Variants in TFB1M observed in about 807,000 individuals in gnomAD.
TFB1M encodes dimethyladenosine transferase 1, mitochondrial.
Under a neutral mutation model 31.1 loss-of-function variants are expected in TFB1M, and 27 were observed. The observed-to-expected ratio is 0.87, with a 90% CI of 0.64 to 1.20. TFB1M has a LOEUF of 1.20. TFB1M is among the 50% of genes most tolerant of loss of function. The pLI, the probability that TFB1M is intolerant of heterozygous loss-of-function variation, is 0.00. For missense variants in TFB1M, 394 were observed against 418.7 expected, an observed-to-expected ratio of 0.94 and a Z score of 0.51; for synonymous variants, 166 against 151.8, an observed-to-expected ratio of 1.09 and a Z score of -0.69.
At chr6:155,231,425 C>A in the TFB1M span, among the ~76,000 whole-genome samples, 2 of 152,208 alleles carry the variant, frequency 1.3e-5, no homozygotes, top group African/African-American at 4.8e-5. Flanking sequence ...TACAATTTCC[C>A]TGGAGTATTT....
chr6:155,240,621 C>G, the TFB1M span: 1 of 1,614,172 alleles, frequency 6.2e-7, no homozygotes, highest in Non-Finnish European at 8.5e-7. Flanking sequence ...GATCCTCCTC[C>G]GAGGTCTCTG....
At chr6:155,238,302 A>G in the TFB1M span, among the ~76,000 whole-genome samples, 1 of 152,214 alleles carries the variant, frequency 6.6e-6, no homozygotes, top group East Asian at 1.9e-4. Context: ...TTTCACTATC[A>G]GCATCTTTGT....
chr6:155,230,725 CACTGCATTTATTAT>C, the TFB1M span, among the ~76,000 whole-genome samples: 2 of 151,978 alleles, frequency 1.3e-5, no homozygotes, highest in Admixed American at 6.5e-5. Flanking sequence ...CAGTGTTAAC[CACTGCATTTATTAT>C]ACATGTAGTT....
At chr6:155,306,353 G>T (rs1176061674) in intron 2 of TFB1M, among the ~76,000 whole-genome samples, 1 of 152,094 alleles carries the variant, frequency 6.6e-6, no homozygotes, top group Admixed American at 6.5e-5. Context: ...ACAGGACCCG[G>T]ATATTCTACT....
chr6:155,260,122 C>G lies in TFB1M; in HGVS notation c.794+151G>C, dbSNP rs1452743313. On this transcript the variant is annotated intron_variant, in intron 6 of 6. Transcript: ENST00000367166. The stretch of plus-strand genomic sequence containing the variant: ...GAGGTCTAGCAAGTCTTTGCTCTCT[C>G]CTCATTGGCAGTGAAGTCTTGTCCG... 4.4e-6 allele frequency: 4 copies of G among 918,484 alleles called. No homozygotes were observed. The African/African-American group carries it at 6.6e-5, about 15-fold the overall frequency. The allele number at this position is 918,484 out of a possible 1,614,324, so 56.9% of individuals were successfully genotyped here.
chr6:155,254,453 A>AT, downstream of TFB1M: 3 of 1,614,042 alleles, frequency 1.9e-6, no homozygotes, highest in Non-Finnish European at 2.5e-6. Flanking sequence ...TGTTAAGGTG[A>AT]TTCGTTCTAT....
rs1444800765 is a variant in TFB1M, at chr6:155,311,334, T to A, written c.139A>T (p.Ile47Phe). The A allele has an allele frequency of 6.2e-7, 1 of 1,613,894 alleles. No homozygotes were observed. Among genetic ancestry groups the A allele is most frequent in the Admixed American group, 1.7e-5 (1 of 60,008 alleles). Residue 47 changes from isoleucine (I) to phenylalanine (F), a missense_variant, in exon 2 of 7, where the codon ATT becomes TTT. This residue lies in a region of TFB1M where 273 missense variants were observed against 256.4 expected (regional missense o/e 1.06). Transcript: ENST00000367166. ...FLLDLRLTDK[I>F]VRKAGNLTNA... ...GTCAGATTGCCAGCTTTCCTTACAA[T>A]CTTATCTAGAGGAAAAAGAGTTTTA... is the stretch of plus-strand genomic sequence containing the variant.
At chr6:155,289,826 G>C (rs1776825769) in intron 4 of TFB1M, among the ~76,000 whole-genome samples, 1 of 152,220 alleles carries the variant, frequency 6.6e-6, no homozygotes, top group East Asian at 1.9e-4. Context: ...TGGATCAAGG[G>C]GGCAGATTTC....
At chr6:155,247,969 CT>C in the TFB1M span, 1 of 1,607,368 alleles carries the variant, frequency 6.2e-7, no homozygotes, top group Non-Finnish European at 8.5e-7. Context: ...CCACTGTGCT[CT>C]TCTGAGGTCT....
intron 6 of TFB1M, among the ~76,000 whole-genome samples, chr6:155,258,293 A>G (rs940112074): frequency 2.0e-5 from 3 of 152,238 alleles, no homozygotes; most frequent in African/African-American, 4.8e-5. Flanking sequence ...CGAGGCAAGC[A>G]CACAATGGGA....
intron 5 of TFB1M, among the ~76,000 whole-genome samples, chr6:155,284,207 G>C (rs1017319533): frequency 1.3e-5 from 2 of 152,242 alleles, no homozygotes; most frequent in African/African-American, 4.8e-5. Flanking sequence ...GCGTCTTCAA[G>C]ACAGACAAGT....
chr6:155,308,238 T>C (rs1403537327), intron 2 of TFB1M, among the ~76,000 whole-genome samples: 1 of 152,112 alleles, frequency 6.6e-6, no homozygotes, highest in Non-Finnish European at 1.5e-5. Context: ...AAACCCTAGG[T>C]GTCCAATGCA....
intron 2 of TFB1M, among the ~76,000 whole-genome samples, chr6:155,305,712 ATTATATATTTATATATATATTAAAT>A (rs1562426164): frequency 8.7e-5 from 5 of 57,236 alleles, no homozygotes; most frequent in South Asian, 6.2e-4. Flanking sequence ...TATATATTAA[ATTATATATTTATATATATATTAAAT>A]TATATATTTA....
intron 2 of TFB1M, among the ~76,000 whole-genome samples, chr6:155,303,977 T>C (rs1414985210): frequency 6.6e-6 from 1 of 152,144 alleles, no homozygotes; most frequent in Non-Finnish European, 1.5e-5. Flanking sequence ...CCCATGAACT[T>C]TCCACTATGC....
At chr6:155,246,517 C>A in the TFB1M span, among the ~76,000 whole-genome samples, 3 of 152,042 alleles carry the variant, frequency 2.0e-5, no homozygotes. Context: ...TAAAAATGTT[C>A]GTAGAAATGG....
chr6:155,278,587 T>C (rs961823610), intron 5 of TFB1M, among the ~76,000 whole-genome samples: 1 of 152,200 alleles, frequency 6.6e-6, no homozygotes, highest in African/African-American at 2.4e-5. Flanking sequence ...CTAACAACTC[T>C]ACCAGGTAGG....
At chr6:155,308,420 A>C (rs1777878433) in intron 2 of TFB1M, among the ~76,000 whole-genome samples, 1 of 152,198 alleles carries the variant, frequency 6.6e-6, no homozygotes, top group African/African-American at 2.4e-5. Flanking sequence ...TTAACTGATT[A>C]CTTATAACTA....
chr6:155,258,075 A>G lies in TFB1M; in HGVS notation c.802T>C (p.Phe268Leu), dbSNP rs199932870. ...KYCHRGLRML[F>L]PEAQRLESTG... ...CTTTCCAAGCGCTGCGCTTCAGGGAATAACATTCTGAGGGGAAGACAGACA... is the reference window on the plus strand; with the variant it reads ...CTTTCCAAGCGCTGCGCTTCAGGGAGTAACATTCTGAGGGGAAGACAGACA... The change falls in exon 7 of 7, where the codon TTC becomes CTC. Residue 268 changes from phenylalanine (F) to leucine (L), a missense_variant. Physicochemically the swap from Phe to Leu is conservative, Grantham distance 22. Transcript: ENST00000367166. The G allele has an allele frequency of 2.3e-4, 374 of 1,614,216 alleles. 1 individual carries two copies. The highest frequency in any genetic ancestry group is 3.6e-5 in the Non-Finnish European group (43 of 1,180,038).
At chr6:155,239,885 C>T in the TFB1M span, among the ~76,000 whole-genome samples, 5 of 152,032 alleles carry the variant, frequency 3.3e-5, no homozygotes, top group Non-Finnish European at 5.9e-5. Flanking sequence ...GGGCTCTGCA[C>T]CCCTTTAGGG....
Sources: allele counts gnomAD v4.1 joint callset (sites outside exome capture counted in the v4.1 genomes callset), GRCh38; gene constraint gnomAD v4.1.1; regional missense constraint gnomAD v4.1.1; transcripts MANE v1.5; gene names NCBI Gene and HGNC (gene_info 2026-07-23, HGNC 2026-07-21).